The following ZNF423 variants were observed in gnomAD, a reference collection of about 807,000 sequenced individuals.
ZNF423 encodes Ebf-associated zinc finger protein.
ZNF423 carries 12 observed loss-of-function variants against 95.8 expected under a neutral mutation model. The ratio of observed to expected loss-of-function variants is 0.13; its 90% confidence interval spans 0.08 to 0.20. The LOEUF (loss-of-function observed/expected upper bound fraction) is 0.20, where lower values mean the gene tolerates loss of function less well. ZNF423 is among the 10% of genes least tolerant of loss of function. The pLI is 1.00. For synonymous variants in ZNF423, 749 were observed against 711.9 expected (o/e 1.05, Z -0.83); for missense variants, 1,316 against 1,737.1 (o/e 0.76, Z 4.31).
chr16:49,745,039 T>A (rs539257753), intron 2 of ZNF423, among the ~76,000 whole-genome samples: 1 of 152,348 alleles, frequency 6.6e-6, no homozygotes, highest in Non-Finnish European at 1.5e-5. Context: ...GAGTAACTTG[T>A]CACTTTTAAT....
rs552871001 is a variant in ZNF423, at chr16:49,768,170, G to C, written c.100+21317C>G. Among the ~76,000 whole-genome samples, 3 of 152,336 alleles carry C rather than the reference G, an allele frequency of 2.0e-5. No individual in the cohort carries two copies. The East Asian group carries it at 5.8e-4, about 29-fold the overall frequency. The stretch of plus-strand genomic sequence containing the variant: ...CTCGCGCACAGCTGGACTCTGCCGT[G>C]GACAGTCTGCAGCTCCCAGACACCA... On this transcript the variant is annotated intron_variant, in intron 2 of 7. Coordinates refer to ENST00000563137, the MANE Select transcript of ZNF423 (RefSeq NM_001379286.1).
chr16:49,773,146 C>G (rs188648808), intron 2 of ZNF423, among the ~76,000 whole-genome samples: 1 of 152,252 alleles, frequency 6.6e-6, no homozygotes, highest in East Asian at 1.9e-4. Context: ...TGGCAAAACC[C>G]CATCTCTATT....
chr16:49,740,395 A>G (rs6500247), intron 2 of ZNF423, among the ~76,000 whole-genome samples: 86,667 of 151,970 alleles, frequency 0.57, 25,178 homozygotes, highest in African/African-American at 0.69. Context: ...GGCTGGGCAA[A>G]GAGCCCACCA....
At chr16:49,802,933 T>C (rs2143910150) in intron 1 of ZNF423, among the ~76,000 whole-genome samples, 1 of 152,298 alleles carries the variant, frequency 6.6e-6, no homozygotes, top group East Asian at 1.9e-4. Flanking sequence ...AACTCAGCAG[T>C]ACCCAGTGAA....
At chr16:49,704,529 C>T (rs529024242) in intron 3 of ZNF423, among the ~76,000 whole-genome samples, 1 of 152,214 alleles carries the variant, frequency 6.6e-6, no homozygotes, top group South Asian at 2.1e-4. Flanking sequence ...ACCCTCACCC[C>T]CAAGACTGTG....
intron 3 of ZNF423, among the ~76,000 whole-genome samples, chr16:49,659,119 C>T (rs1470820072): frequency 6.6e-6 from 1 of 152,168 alleles, no homozygotes; most frequent in South Asian, 2.1e-4. Context: ...AATAGAGTCC[C>T]ACTCTGTCGC....
At chr16:49,830,662 C>CG (rs1156580492) in intron 1 of ZNF423, among the ~76,000 whole-genome samples, 3 of 152,150 alleles carry the variant, frequency 2.0e-5, no homozygotes, top group Non-Finnish European at 2.9e-5. Flanking sequence ...ACTGATGTGT[C>CG]GGGGGGTGAT....
At chr16:49,708,012 T>A (rs893045468) in intron 3 of ZNF423, 8 of 154,270 alleles carry the variant, frequency 5.2e-5, no homozygotes, top group Non-Finnish European at 1.0e-4. Flanking sequence ...GGGCAAAACA[T>A]CTGGAGTTCA....
At chr16:49,806,928 G>A (rs1318012518) in intron 1 of ZNF423, among the ~76,000 whole-genome samples, 4 of 151,864 alleles carry the variant, frequency 2.6e-5, no homozygotes, top group Non-Finnish European at 5.9e-5. Flanking sequence ...TGGGGAGGCT[G>A]AGGCAGGAGA....
At chr16:49,817,585 G>A (rs1417939756) in intron 1 of ZNF423, among the ~76,000 whole-genome samples, 4 of 152,176 alleles carry the variant, frequency 2.6e-5, no homozygotes, top group Non-Finnish European at 4.4e-5. Context: ...GCCTGATACC[G>A]CCTTAGCCTG....
chr16:49,629,299 C>A (rs1024467668), intron 4 of ZNF423, among the ~76,000 whole-genome samples: 3 of 152,136 alleles, frequency 2.0e-5, no homozygotes, highest in African/African-American at 7.2e-5. Context: ...ACAATCTCTA[C>A]CTTTTGATTG....
intron 5 of ZNF423, among the ~76,000 whole-genome samples, chr16:49,550,568 C>T (rs1322532166): frequency 6.6e-6 from 1 of 152,274 alleles, no homozygotes; most frequent in African/African-American, 2.4e-5. Flanking sequence ...GCCTCCAGCT[C>T]TCTTTCTACA....
Position 49,636,310 on chromosome 16 carries a change from G to C in ZNF423, c.2866C>G (p.His956Asp). The change falls in exon 4 of 8, where the codon CAC becomes GAC. Residue 956 changes from histidine (H) to aspartate (D), a missense_variant. By Grantham distance (81) the His-to-Asp change is moderately conservative (BLOSUM62 -1). Transcript: ENST00000563137. This position sits in a 1 kb window ranked among gnomAD's most constrained non-coding sequence, Gnocchi z 8.6. The stretch of plus-strand genomic sequence containing the variant: ...GCAGGGCCCCGGTGCGTCTGCAGGT[G>C]CTCCCGTAGCCCGTTCTCCGAGAAG... ...TFFSENGLRE[H>D]LQTHRGPAKH... 6.2e-7 allele frequency: 1 copy of C among 1,612,596 alleles called. No individual in the cohort carries two copies. Among genetic ancestry groups the C allele is most frequent in the Non-Finnish European group, 8.5e-7 (1 of 1,180,024 alleles).
intron 5 of ZNF423, among the ~76,000 whole-genome samples, chr16:49,599,971 T>C (rs1971308732): frequency 6.6e-6 from 1 of 152,222 alleles, no homozygotes; most frequent in South Asian, 2.1e-4. Flanking sequence ...TAAAACTGTA[T>C]CACGCAATAC....
intron 3 of ZNF423, among the ~76,000 whole-genome samples, chr16:49,689,674 G>A (rs949818844): frequency 4.6e-5 from 7 of 152,094 alleles, no homozygotes; most frequent in East Asian, 1.9e-4. Flanking sequence ...AAGCAATCCC[G>A]TGTGGCACCC....
intron 5 of ZNF423, among the ~76,000 whole-genome samples, chr16:49,542,061 T>C (rs1406811016): frequency 9.2e-5 from 14 of 152,140 alleles, no homozygotes; most frequent in Admixed American, 3.3e-4. Context: ...TAGGCCTAGG[T>C]CTCTCTATCT....
chr16:49,703,537 G>A (rs2032258543), intron 3 of ZNF423, among the ~76,000 whole-genome samples: 1 of 152,212 alleles, frequency 6.6e-6, no homozygotes, highest in Non-Finnish European at 1.5e-5. Flanking sequence ...CTCCTTTCAG[G>A]AGAAAATTAC....
intron 1 of ZNF423, among the ~76,000 whole-genome samples, chr16:49,792,229 C>A (rs929573279): frequency 6.6e-6 from 1 of 152,166 alleles, no homozygotes; most frequent in Non-Finnish European, 1.5e-5. Context: ...TGCACACTTA[C>A]ACCCACTCAA....
intron 3 of ZNF423, among the ~76,000 whole-genome samples, chr16:49,693,213 T>C (rs1385377972): frequency 2.0e-5 from 3 of 152,230 alleles, no homozygotes; most frequent in Admixed American, 6.5e-5. Flanking sequence ...CAAATATCTA[T>C]TAAGCATCTT....
Sources: gnomAD v4.1 joint callset for allele counts (sites outside exome capture counted in the v4.1 genomes callset) on GRCh38, gnomAD v4.1.1 for gene constraint, Gnocchi (gnomAD v3.1) non-coding constraint, MANE v1.5 for transcripts, NCBI Gene and HGNC (gene_info 2026-07-23, HGNC 2026-07-21) for gene names.